Variants in MTUS2 observed in about 807,000 individuals in gnomAD.
MTUS2 encodes microtubule-associated tumor suppressor candidate 2.
A neutral mutation model predicts 114.1 loss-of-function variants in MTUS2; 40 were observed. The observed-to-expected ratio is 0.35, with a 90% CI of 0.27 to 0.46. The LOEUF is 0.46. MTUS2 is among the 20% of genes least tolerant of loss of function. The pLI is 1.00. For synonymous variants in MTUS2, 688 were observed against 672.0 expected, an observed-to-expected ratio of 1.02 and a Z score of -0.37; for missense variants, 1,679 against 1,705.4, an observed-to-expected ratio of 0.98 and a Z score of 0.27.
intron 9 of MTUS2, among the ~76,000 whole-genome samples, chr13:29,453,883 T>C (rs1032840970): frequency 1.3e-5 from 2 of 152,134 alleles, no homozygotes; most frequent in Non-Finnish European, 2.9e-5. Context: ...TTTTAACATG[T>C]GATTTTTTTG....
chr13:29,461,092 G>A (rs1879454928), intron 9 of MTUS2, among the ~76,000 whole-genome samples: 1 of 152,136 alleles, frequency 6.6e-6, no homozygotes. Flanking sequence ...GGAAGTCCAA[G>A]GTTGAGGGCC....
chr13:29,179,273 T>C (rs1357506140), intron 5 of MTUS2, among the ~76,000 whole-genome samples: 4 of 152,190 alleles, frequency 2.6e-5, no homozygotes, highest in Non-Finnish European at 4.4e-5. Context: ...CCAAAAAATA[T>C]CTCTGCGTTA....
chr13:29,466,876 CAAAAA>C (rs11296600), intron 9 of MTUS2, among the ~76,000 whole-genome samples: 1 of 87,624 alleles, frequency 1.1e-5, no homozygotes, highest in Non-Finnish European at 2.3e-5. Flanking sequence ...GACCTCATCT[CAAAAA>C]AAAAAAAAAA....
At chr13:29,088,313 AT>A (rs1243486579) in intron 4 of MTUS2, among the ~76,000 whole-genome samples, 1 of 151,982 alleles carries the variant, frequency 6.6e-6, no homozygotes, top group Non-Finnish European at 1.5e-5. Flanking sequence ...TTGATTTCTA[AT>A]TTTATTGTGT....
chr13:29,208,503 C>G (rs1895289320), intron 5 of MTUS2, among the ~76,000 whole-genome samples: 1 of 151,650 alleles, frequency 6.6e-6, no homozygotes, highest in South Asian at 2.1e-4. Flanking sequence ...GTTTGTTTCT[C>G]TAGTTTCTCG....
intron 2 of MTUS2, among the ~76,000 whole-genome samples, chr13:28,982,895 G>C (rs1468515055): frequency 6.6e-6 from 1 of 152,194 alleles, no homozygotes; most frequent in Admixed American, 6.5e-5. Context: ...TGGGGGAATT[G>C]TTTAATAGGT....
chr13:29,010,970 C>A (rs1483084648), intron 2 of MTUS2, among the ~76,000 whole-genome samples: 3 of 152,140 alleles, frequency 2.0e-5, no homozygotes, highest in Non-Finnish European at 4.4e-5. Context: ...CTGTCAGGAC[C>A]ACCTGCCAGA....
At chr13:29,008,366 C>T (rs1885691121) in intron 2 of MTUS2, among the ~76,000 whole-genome samples, 1 of 152,174 alleles carries the variant, frequency 6.6e-6, no homozygotes, top group South Asian at 2.1e-4. Context: ...ACCTCAGGAC[C>T]ATCAGTCACA....
At chr13:29,185,019 T>A (rs1273979151) in intron 5 of MTUS2, among the ~76,000 whole-genome samples, 1 of 151,894 alleles carries the variant, frequency 6.6e-6, no homozygotes, top group Non-Finnish European at 1.5e-5. Context: ...AAACCCTATA[T>A]GAGAAATAAA....
At chr13:29,139,632 T>C (rs1892132135) in intron 5 of MTUS2, among the ~76,000 whole-genome samples, 1 of 152,244 alleles carries the variant, frequency 6.6e-6, no homozygotes, top group African/African-American at 2.4e-5. Flanking sequence ...ATCTTCACTC[T>C]ACGGTTTGGT....
chr13:29,053,517 G>A (rs1210987196), intron 4 of MTUS2, among the ~76,000 whole-genome samples: 1 of 152,132 alleles, frequency 6.6e-6, no homozygotes, highest in South Asian at 2.1e-4. Flanking sequence ...GAATTAATAA[G>A]ACCTTTCCAT....
At chr13:29,195,565 C>T (rs1894657785) in intron 5 of MTUS2, among the ~76,000 whole-genome samples, 1 of 128,906 alleles carries the variant, frequency 7.8e-6, no homozygotes, top group Non-Finnish European at 1.6e-5. Flanking sequence ...AAAAAAAGAG[C>T]TACAGTAGTC....
chr13:28,892,701 C>T (rs750086874), intron 2 of MTUS2, among the ~76,000 whole-genome samples: 7 of 152,064 alleles, frequency 4.6e-5, no homozygotes, highest in Non-Finnish European at 8.8e-5. Flanking sequence ...CTTCTCTTTC[C>T]CTTATCTCCT....
At chr13:29,299,268 C>A (rs912320127) in intron 6 of MTUS2, among the ~76,000 whole-genome samples, 1 of 152,154 alleles carries the variant, frequency 6.6e-6, no homozygotes, top group Admixed American at 6.5e-5. Context: ...AGAAGGAAAG[C>A]CAGGAAGCAC....
chr13:29,391,863 C>T (rs912335372), intron 8 of MTUS2, among the ~76,000 whole-genome samples: 9 of 151,886 alleles, frequency 5.9e-5, no homozygotes, highest in African/African-American at 1.9e-4. Flanking sequence ...TTTGGCCGGG[C>T]GCAGTGGCTC....
At chr13:29,283,382 G>A (rs1898352858) in intron 6 of MTUS2, among the ~76,000 whole-genome samples, 1 of 152,200 alleles carries the variant, frequency 6.6e-6, no homozygotes, top group Non-Finnish European at 1.5e-5. Flanking sequence ...CTGACTCACA[G>A]TAGGTATTTA....
At chr13:29,329,375 G>A (rs193191312) in intron 7 of MTUS2, among the ~76,000 whole-genome samples, 1 of 151,608 alleles carries the variant, frequency 6.6e-6, no homozygotes, top group Non-Finnish European at 1.5e-5. Flanking sequence ...CCACTTATGA[G>A]TGAGAACATG....
At chr13:29,106,579 A>G (rs1222037070) in intron 5 of MTUS2, among the ~76,000 whole-genome samples, 2 of 150,958 alleles carry the variant, frequency 1.3e-5, no homozygotes, top group African/African-American at 4.9e-5. Context: ...CTGGTCTTGA[A>G]CTCCTGACCT....
intron 5 of MTUS2, among the ~76,000 whole-genome samples, chr13:29,255,344 A>AT (rs1171570119): frequency 6.6e-6 from 1 of 152,060 alleles, no homozygotes; most frequent in African/African-American, 2.4e-5. Flanking sequence ...TTCCACTGGG[A>AT]TTTTTTACAG....
Sources: allele counts gnomAD v4.1 joint callset (sites outside exome capture counted in the v4.1 genomes callset), GRCh38; gene constraint gnomAD v4.1.1; transcripts MANE v1.5; gene names NCBI Gene and HGNC (gene_info 2026-07-23, HGNC 2026-07-21).